The following FBN1 variants were observed in gnomAD, a reference collection of about 807,000 sequenced individuals.
The protein encoded by FBN1 is fibrillin-1.
In FBN1, 29 loss-of-function variants were observed where a neutral mutation model predicts 365.1. That is an observed-to-expected ratio of 0.08 (90% CI 0.06 to 0.11). The LOEUF (loss-of-function observed/expected upper bound fraction) is 0.11. Ranked by LOEUF, FBN1 falls within the 10% of genes least tolerant of loss-of-function variation. The pLI is 1.00. For missense variants in FBN1, 2,476 were observed against 3,703.2 expected (o/e 0.67, Z 8.60); for synonymous variants, 1,210 against 1,270.5 (o/e 0.95, Z 1.01).
In FBN1 at chr15:48,408,423, T is replaced by A. The variant is rs945489432; in HGVS notation, c.*2567A>T. The A allele has an allele frequency of 2.6e-5, 4 of 152,676 alleles. No homozygotes were observed. Among genetic ancestry groups the A allele is most frequent in the Non-Finnish European group, 5.9e-5 (4 of 68,040 alleles). 9.5% of individuals were successfully genotyped at this position (152,676 alleles called of 1,614,324 possible). A position where few individuals can be genotyped will look rare whatever the true frequency, so the allele number is the denominator to read the frequency against. ...AAGTGATTTTGGCTGAGTAAACTGC[T>A]ATTTGTTGAACAAAAATGTAGTTGT... On this transcript the variant is annotated 3_prime_UTR_variant, in exon 66 of 66. Coordinates refer to ENST00000316623, the MANE Select transcript of FBN1 (RefSeq NM_000138.5).
intron 50 of FBN1, among the ~76,000 whole-genome samples, chr15:48,439,943 T>G (rs1289558124): frequency 6.6e-6 from 1 of 152,222 alleles, no homozygotes; most frequent in African/African-American, 2.4e-5. Flanking sequence ...TCCACGGTTC[T>G]GTGGAATTTT....
At chr15:48,501,669 T>C (rs1456326015) in intron 17 of FBN1, among the ~76,000 whole-genome samples, 1 of 152,178 alleles carries the variant, frequency 6.6e-6, no homozygotes, top group Non-Finnish European at 1.5e-5. Context: ...CAAATAACTA[T>C]ATGCACCAAG....
intron 32 of FBN1, 122 bp downstream of exon 32, chr15:48,481,533 T>C: frequency 9.4e-7 from 1 of 1,068,690 alleles, no homozygotes; most frequent in Non-Finnish European, 1.3e-6. Flanking sequence ...ATGAAAAATG[T>C]TATGCAAAAT....
chr15:48,455,209 T>C (rs1324675183), intron 44 of FBN1, among the ~76,000 whole-genome samples: 1 of 152,240 alleles, frequency 6.6e-6, no homozygotes, highest in East Asian at 1.9e-4. Flanking sequence ...AATCAGAAGT[T>C]GGAGCACTTA....
At chr15:48,511,087 G>T (rs374652517) in intron 13 of FBN1, among the ~76,000 whole-genome samples, 1 of 152,206 alleles carries the variant, frequency 6.6e-6, no homozygotes, top group Non-Finnish European at 1.5e-5. Context: ...TCTATGCAGA[G>T]TTGAGGTCAC....
intron 6 of FBN1, among the ~76,000 whole-genome samples, chr15:48,541,119 A>C (rs1379530124): frequency 2.1e-5 from 3 of 145,046 alleles, no homozygotes; most frequent in East Asian, 1.9e-4. Flanking sequence ...AAAAAAAAAA[A>C]CCCCTTAAGA....
At chr15:48,480,685 A>AT (rs1300547132) in intron 32 of FBN1, among the ~76,000 whole-genome samples, 4 of 152,168 alleles carry the variant, frequency 2.6e-5, no homozygotes, top group Admixed American at 2.6e-4. Flanking sequence ...TGTTGATATA[A>AT]TTAAGAGGAG....
intron 25 of FBN1, among the ~76,000 whole-genome samples, 188 bp downstream of exon 25, chr15:48,489,663 C>G (rs1167009445): frequency 1.3e-5 from 2 of 152,024 alleles, no homozygotes; most frequent in African/African-American, 4.8e-5. Context: ...ACAATTTTAA[C>G]CCCCAGGACT....
chr15:48,600,278 A>G (rs1427866798), intron 4 of FBN1, 44 bp from the exon 5 acceptor site: 9 of 1,385,452 alleles, frequency 6.5e-6, no homozygotes, highest in Non-Finnish European at 9.2e-6. Context: ...ACTTAAATGC[A>G]TAGATTGCAA....
intron 29 of FBN1, 110 bp downstream of exon 29, chr15:48,486,965 T>A (rs1055548092): frequency 5.9e-6 from 5 of 847,558 alleles, no homozygotes; most frequent in Non-Finnish European, 6.5e-6. Flanking sequence ...TCAGAGTACA[T>A]AGAGTGTTTT....
intron 15 of FBN1, among the ~76,000 whole-genome samples, chr15:48,507,010 A>C (rs987342920): frequency 4.6e-5 from 7 of 152,142 alleles, no homozygotes; most frequent in African/African-American, 1.7e-4. Context: ...TTAATAGAAC[A>C]ACCAATTTAT....
intron 34 of FBN1, among the ~76,000 whole-genome samples, chr15:48,472,904 C>T (rs1025742006): frequency 6.6e-6 from 1 of 152,076 alleles, no homozygotes; most frequent in Non-Finnish European, 1.5e-5. Context: ...ATGAATAAGC[C>T]GAAGGAATCA....
intron 6 of FBN1, among the ~76,000 whole-genome samples, chr15:48,540,305 AT>A (rs1364452671): frequency 6.6e-6 from 1 of 152,154 alleles, no homozygotes; most frequent in East Asian, 1.9e-4. Context: ...TTGATAACGT[AT>A]TGATTATATT....
chr15:48,502,796 G>A (rs935746361), intron 17 of FBN1, among the ~76,000 whole-genome samples: 2 of 152,054 alleles, frequency 1.3e-5, no homozygotes, highest in Admixed American at 6.5e-5. Flanking sequence ...ATTAATATAA[G>A]CCACCTCAAA....
intron 3 of FBN1, among the ~76,000 whole-genome samples, chr15:48,611,626 T>C (rs191193704): frequency 1.8e-4 from 28 of 152,222 alleles, no homozygotes; most frequent in African/African-American, 6.0e-4. Flanking sequence ...GAGAGAAGAA[T>C]GCTGGAATCT....
At chr15:48,536,392 T>A (rs2044014217) in intron 7 of FBN1, among the ~76,000 whole-genome samples, 2 of 151,924 alleles carry the variant, frequency 1.3e-5, no homozygotes, top group Admixed American at 1.3e-4. Flanking sequence ...AATGGGTCAC[T>A]GATGGGCAGC....
At chr15:48,445,580 A>T in intron 47 of FBN1, 76 bp from the exon 48 acceptor site, 1 of 1,523,810 alleles carries the variant, frequency 6.6e-7, no homozygotes. Context: ...AAACTTCTAA[A>T]AGAAAAAATA....
At chr15:48,568,984 A>G (rs1413667748) in intron 6 of FBN1, among the ~76,000 whole-genome samples, 1 of 152,094 alleles carries the variant, frequency 6.6e-6, no homozygotes, top group East Asian at 1.9e-4. Context: ...AAAAAGACTG[A>G]TAATTTAGAC....
chr15:48,454,847 G>C (rs1231041331), intron 44 of FBN1, among the ~76,000 whole-genome samples: 1 of 152,222 alleles, frequency 6.6e-6, no homozygotes, highest in Non-Finnish European at 1.5e-5. Context: ...AGGAGCAGGA[G>C]TGTGTCTGCC....
Sources: allele counts gnomAD v4.1 joint callset (sites outside exome capture counted in the v4.1 genomes callset), GRCh38; gene constraint gnomAD v4.1.1; transcripts MANE v1.5; gene names NCBI Gene and HGNC (gene_info 2026-07-23, HGNC 2026-07-21).